PRKRIP1: variants seen among roughly 807,000 people sequenced by gnomAD.
PRKRIP1 encodes PRKR-interacting protein 1.
PRKRIP1 carries 29 observed loss-of-function variants against 29.3 expected under a neutral mutation model. The observed-to-expected ratio is 0.99, with a 90% CI of 0.74 to 1.35. The LOEUF (loss-of-function observed/expected upper bound fraction) is 1.35, where lower values mean the gene tolerates loss of function less well. PRKRIP1 is among the 40% of genes most tolerant of loss of function. The pLI is 0.00. For missense variants in PRKRIP1, 247 were observed against 236.8 expected (o/e 1.04, Z -0.28); for synonymous variants, 90 against 85.1 (o/e 1.06, Z -0.32).
chr7:102,405,581 T>G (rs760859586), intron 4 of PRKRIP1, among the ~76,000 whole-genome samples: 6 of 152,258 alleles, frequency 3.9e-5, no homozygotes, highest in Admixed American at 3.9e-4. Flanking sequence ...GGTGACAAAG[T>G]GCAACCCTGT....
In PRKRIP1 at chr7:102,420,633, T is replaced by TGATA. The variant is rs202006877; in HGVS notation, c.458-4380_458-4377dup. ...TTTCTGGGTTTCTCCTCCCTGAGAA[T>TGATA]GATACTCTTGGACCCTGACAGTGGG... On this transcript the variant is annotated intron_variant, in intron 5 of 5. Transcript: ENST00000397912. Among the ~76,000 whole-genome samples the TGATA allele has an allele frequency of 4.8e-3, 732 of 152,276 alleles. 24 individuals are homozygous for TGATA. The highest frequency in any genetic ancestry group is 0.043 in the Admixed American group (660 of 15,284).
chr7:102,402,448 AAG>A lies in PRKRIP1; in HGVS notation c.307-2149_307-2148del, dbSNP rs1796098732. Among the ~76,000 whole-genome samples, 3 of 148,216 alleles carry A rather than the reference AAG, an allele frequency of 2.0e-5. No individual in the cohort carries two copies. The South Asian group carries it at 6.9e-4, about 34-fold the overall frequency. On this transcript the variant is annotated intron_variant, in intron 3 of 5. Coordinates refer to ENST00000397912, the MANE Select transcript of PRKRIP1 (RefSeq NM_024653.4). ...CCAGACGCTGTCTCAAAAAGAAAGA[AAG>A]GGGGTGGGGGGTGGAGTGAGGGAGG...
chr7:102,413,495 C>G (rs1161619277), intron 5 of PRKRIP1, among the ~76,000 whole-genome samples: 2 of 152,190 alleles, frequency 1.3e-5, no homozygotes, highest in Admixed American at 6.5e-5. Context: ...GGCACAGTGG[C>G]TCATGCCTGT....
intron 5 of PRKRIP1, among the ~76,000 whole-genome samples, chr7:102,412,917 A>G (rs1365119180): frequency 1.3e-5 from 2 of 152,192 alleles, no homozygotes; most frequent in African/African-American, 4.8e-5. Flanking sequence ...CATTAAGCCA[A>G]TGTGGATTAT....
In PRKRIP1 at chr7:102,396,480, C is replaced by T. The variant is rs1271159793; in HGVS notation, c.69C>T (p.Ile23=). 3.7e-6 allele frequency: 6 copies of T among 1,610,196 alleles called. No individual in the cohort carries two copies. The change falls in exon 1 of 6, where the codon ATC becomes ATT. Residue 23 remains isoleucine, a synonymous_variant. Transcript: ENST00000397912. ...RPKKEPQTLV[I]PKNAAEEQKL... ...AGAAAGAGCCGCAGACGCTCGTCAT[C>T]CCCAAGAATGCGGCGGAGGAGCAGA...
rs539411780 is a variant in PRKRIP1 at position 102,415,240 on chromosome 7, A to G, written c.457+7742A>G. Among the ~76,000 whole-genome samples, 7 of 152,246 alleles carry G rather than the reference A, an allele frequency of 4.6e-5. No homozygotes were observed. In the South Asian group the frequency reaches 1.0e-3, roughly 23 times the overall value. ...ACGCACCCACCTGTGTACAGCCTCC[A>G]AAGCTCTGTTTTTTGAAATGGAGTC... On this transcript the variant is annotated intron_variant, in intron 5 of 5. Transcript: ENST00000397912.
chr7:102,410,062 C>A (rs1024779294), intron 5 of PRKRIP1, among the ~76,000 whole-genome samples: 1 of 152,118 alleles, frequency 6.6e-6, no homozygotes, highest in African/African-American at 2.4e-5. Flanking sequence ...CTTGAACCAC[C>A]GCATCTCCCA....
intron 4 of PRKRIP1, among the ~76,000 whole-genome samples, chr7:102,406,352 G>C (rs1554571821): frequency 6.6e-6 from 1 of 152,138 alleles, no homozygotes; most frequent in East Asian, 1.9e-4. Flanking sequence ...GTTGTCGCAG[G>C]TGTCATGTAA....
chr7:102,396,394 T>C lies in PRKRIP1; in HGVS notation c.-18T>C, dbSNP rs782631778. 2.0e-6 allele frequency: 3 copies of C among 1,532,912 alleles called. No individual in the cohort carries two copies. The highest frequency in any genetic ancestry group is 2.6e-6 in the Non-Finnish European group (3 of 1,146,264). The allele number at this position is 1,532,912 out of a possible 1,614,324, so 95.0% of individuals were successfully genotyped here. ...GCGCGCCGACGCCGCCGCTCGCTTG[T>C]GAAACTGGAAGGCTGCCATGGCTAG... On this transcript the variant is annotated 5_prime_UTR_variant, in exon 1 of 6. Transcript: ENST00000397912.
At chr7:102,419,848 TGTG>T (rs1563623523) in intron 5 of PRKRIP1, among the ~76,000 whole-genome samples, 4 of 4,160 alleles carry the variant, frequency 9.6e-4, no homozygotes, top group Admixed American at 0.01. Context: ...TGTGTTTTTG[TGTG>T]TGTGTGTGTG....
In PRKRIP1 at chr7:102,425,195, G is replaced by T. The variant is rs3747529; in HGVS notation, c.*84G>T. Reference sequence around the variant, plus strand: ...GCGGCTGTTTGGCTCTTTCTCCCCCGCAAGGACCCGCTGACCCGCTGGATG... The same window carrying T: ...GCGGCTGTTTGGCTCTTTCTCCCCCTCAAGGACCCGCTGACCCGCTGGATG... On this transcript the variant is annotated 3_prime_UTR_variant, in exon 6 of 6. Coordinates refer to ENST00000397912, the MANE Select transcript of PRKRIP1 (RefSeq NM_024653.4). The T allele has an allele frequency of 1.3e-4, 202 of 1,535,736 alleles. No homozygotes were observed. In the African/African-American group the frequency reaches 1.4e-3, roughly 11 times the overall value.
intron 5 of PRKRIP1, among the ~76,000 whole-genome samples, chr7:102,409,797 C>T (rs925244079): frequency 1.3e-5 from 2 of 151,950 alleles, no homozygotes; most frequent in Admixed American, 1.3e-4. Context: ...GCACTGCAGC[C>T]TGGGTGACAG....
chr7:102,408,748 G>T (rs574243606), intron 5 of PRKRIP1, among the ~76,000 whole-genome samples: 1 of 152,322 alleles, frequency 6.6e-6, no homozygotes, highest in South Asian at 2.1e-4. Context: ...ATGGTGGCCC[G>T]TGCCTATAAT....
chr7:102,399,834 ACT>A (rs1405891370), intron 3 of PRKRIP1, among the ~76,000 whole-genome samples, 186 bp downstream of exon 3: 10 of 152,142 alleles, frequency 6.6e-5, no homozygotes, highest in Admixed American at 6.5e-4. Flanking sequence ...ACATGGAGAA[ACT>A]CTGTCTCTAC....
At chr7:102,418,660 G>A (rs1280600267) in intron 5 of PRKRIP1, among the ~76,000 whole-genome samples, 7 of 151,978 alleles carry the variant, frequency 4.6e-5, no homozygotes, top group African/African-American at 1.7e-4. Flanking sequence ...GAGTATCTTT[G>A]CTACCACCAT....
intron 2 of PRKRIP1, 97 bp from the exon 3 acceptor site, chr7:102,399,451 C>T (rs1287270943): frequency 6.0e-5 from 56 of 933,236 alleles, no homozygotes; most frequent in South Asian, 1.4e-5. Context: ...GTCCCTTCCA[C>T]GACTTCCACT....
At position 102,396,547 on chromosome 7, in the gene PRKRIP1, G is replaced by A. The variant is rs1314209160; in HGVS notation, c.126+10G>A. 9.3e-6 allele frequency: 15 copies of A among 1,604,294 alleles called. No individual in the cohort carries two copies. In the Admixed American group the frequency reaches 1.2e-4, roughly 13 times the overall value. ...GCTCATGAAGAACCCGGTGAGACGA[G>A]GCCCAGGCTCCACGGCCCGTCCGAG... On this transcript the variant is annotated intron_variant, in intron 1 of 5. Coordinates refer to ENST00000397912, the MANE Select transcript of PRKRIP1 (RefSeq NM_024653.4).
chr7:102,418,745 G>A (rs1362582202), intron 5 of PRKRIP1, among the ~76,000 whole-genome samples: 1 of 152,236 alleles, frequency 6.6e-6, no homozygotes, highest in East Asian at 1.9e-4. Flanking sequence ...CCGTTACCCT[G>A]GGGGAAGCAC....
chr7:102,421,556 T>C (rs1282225947), intron 5 of PRKRIP1, among the ~76,000 whole-genome samples: 4 of 152,088 alleles, frequency 2.6e-5, no homozygotes, highest in Non-Finnish European at 2.9e-5. Context: ...CCCAGCACTT[T>C]GGGAGGCCAA....
Sources: gnomAD v4.1 joint callset for allele counts (sites outside exome capture counted in the v4.1 genomes callset) on GRCh38, gnomAD v4.1.1 for gene constraint, MANE v1.5 for transcripts, NCBI Gene and HGNC (gene_info 2026-07-23, HGNC 2026-07-21) for gene names.